Variants in F8 observed in about 807,000 individuals in gnomAD.
The protein encoded by F8 is antihemophilic factor.
In F8, 12 loss-of-function variants were observed where a neutral mutation model predicts 140.6. The ratio of observed to expected loss-of-function variants is 0.09; its 90% CI spans 0.05 to 0.14. The LOEUF is 0.14. Ranked by LOEUF, F8 falls within the 10% of genes least tolerant of loss-of-function variation. F8 has a pLI of 1.00. For missense variants in F8, 1,354 were observed against 1,720.7 expected (o/e 0.79, Z 3.77); for synonymous variants, 585 against 614.6 (o/e 0.95, Z 0.71).
chrX:154,918,360 C>T (rs1390250116), intron 14 of F8, among the ~76,000 whole-genome samples: 20 of 111,085 alleles, frequency 1.8e-4, no homozygotes, highest in Non-Finnish European at 9.4e-5. Context: ...GGGTTGCTAG[C>T]CCCGCCTCCA....
In F8 at chrX:154,837,539, T is replaced by A; in HGVS notation, c.*58A>T. On this transcript the variant is annotated 3_prime_UTR_variant, in exon 26 of 26. Coordinates refer to ENST00000360256, the MANE Select transcript of F8 (RefSeq NM_000132.4). ...TAGAAGGCAAGCCAGGGAGGGACAC[T>A]GCCCTGGAGCTGAGGAGGGAGAGGT... The A allele has an allele frequency of 8.7e-7, 1 of 1,152,726 alleles. No individual in the cohort carries two copies. 95.0% of individuals were successfully genotyped at this position (1,152,726 alleles called of 1,213,427 possible). A position where few individuals can be genotyped will look rare whatever the true frequency, so the allele number is the denominator to read the frequency against.
chrX:154,921,471 C>A (rs1253126887), intron 14 of F8, among the ~76,000 whole-genome samples: 1 of 111,985 alleles, frequency 8.9e-6, no homozygotes, highest in East Asian at 2.8e-4. Flanking sequence ...GTCAGTGTGG[C>A]AATTCCTCAG....
intron 22 of F8, among the ~76,000 whole-genome samples, chrX:154,875,524 T>C (rs1329288154): frequency 1.8e-5 from 2 of 112,041 alleles, no homozygotes; most frequent in Non-Finnish European, 3.8e-5. Context: ...TTGTCAATTA[T>C]ACCTAAATAA....
At chrX:154,927,408 T>C (rs782247129) in intron 14 of F8, among the ~76,000 whole-genome samples, 9 of 110,725 alleles carry the variant, frequency 8.1e-5, no homozygotes, top group Non-Finnish European at 1.7e-4. Flanking sequence ...GGAGAAGAGA[T>C]GGGAATCAAG....
chrX:154,839,720 G>A (rs1018793844), intron 25 of F8, among the ~76,000 whole-genome samples: 28 of 111,147 alleles, frequency 2.5e-4, no homozygotes, highest in Non-Finnish European at 3.2e-4. Flanking sequence ...TGTTTCCTTT[G>A]TAGCATTCAG....
intron 11 of F8, among the ~76,000 whole-genome samples, chrX:154,956,145 C>T (rs1376936057): frequency 8.9e-6 from 1 of 112,298 alleles, no homozygotes; most frequent in African/African-American, 3.2e-5. Context: ...TCTGTTCTGC[C>T]TGGCCCTGCA....
intron 14 of F8, among the ~76,000 whole-genome samples, chrX:154,923,783 CA>C (rs1374593378): frequency 7.2e-5 from 8 of 110,977 alleles, no homozygotes; most frequent in South Asian, 3.8e-4. Context: ...TGGGAGGGGA[CA>C]GGGGGAATGA....
intron 23 of F8, among the ~76,000 whole-genome samples, chrX:154,862,262 G>A (rs896457634): frequency 3.6e-5 from 4 of 111,182 alleles, no homozygotes; most frequent in Non-Finnish European, 7.5e-5. Context: ...TCCTGACCTC[G>A]TGATCCACCC....
intron 14 of F8, among the ~76,000 whole-genome samples, chrX:154,925,902 C>T (rs1378588741): frequency 9.0e-6 from 1 of 111,655 alleles, no homozygotes; most frequent in African/African-American, 3.3e-5. Flanking sequence ...AATGTGAGGA[C>T]ACGAGATTTG....
chrX:154,861,345 C>G (rs1321967002), intron 24 of F8, among the ~76,000 whole-genome samples: 1 of 111,773 alleles, frequency 8.9e-6, no homozygotes, highest in Non-Finnish European at 1.9e-5. Flanking sequence ...CACAATTCAC[C>G]TTTGTATCCC....
intron 14 of F8, among the ~76,000 whole-genome samples, chrX:154,915,555 C>T (rs1225912418): frequency 9.0e-6 from 1 of 110,972 alleles, no homozygotes; most frequent in African/African-American, 3.3e-5. Flanking sequence ...AAATTTGTTC[C>T]TAGATATTTA....
chrX:154,911,308 C>T (rs959003412), intron 14 of F8, among the ~76,000 whole-genome samples: 11 of 107,593 alleles, frequency 1.0e-4, no homozygotes, highest in African/African-American at 3.1e-4. Flanking sequence ...GAGGGGCAGG[C>T]CACCCCTTCA....
At chrX:154,921,383 G>A (rs945837830) in intron 14 of F8, among the ~76,000 whole-genome samples, 4 of 111,777 alleles carry the variant, frequency 3.6e-5, no homozygotes, top group African/African-American at 9.8e-5. Context: ...GAAACAACAC[G>A]TGCTGGAGAG....
At chrX:154,955,379 G>A (rs1439744830) in intron 11 of F8, among the ~76,000 whole-genome samples, 1 of 84,700 alleles carries the variant, frequency 1.2e-5, no homozygotes, top group Non-Finnish European at 2.2e-5. Context: ...GGATGGTCTT[G>A]AAATCCTGAG....
In F8 at chrX:154,966,040, C is replaced by T. The variant is rs782052307; in HGVS notation, c.1373G>A (p.Arg458His). The T allele has an allele frequency of 5.0e-5, 60 of 1,209,199 alleles. No homozygotes were observed. The highest frequency in any genetic ancestry group is 2.3e-4 in the Middle Eastern group (1 of 4,371). The change falls in exon 9 of 26, where the codon CGT (arginine) becomes CAT (histidine). Residue 458 changes from arginine to histidine, a missense_variant. Arg to His is a conservative substitution (Grantham distance 29, BLOSUM62 0). This residue lies in a region of F8 where 252 missense variants were observed against 338.5 expected (regional missense o/e 0.74). Transcript: ENST00000360256. ...TCCTGATTCATGCTGAATAGCTTCA[C>T]GAGTCTTAAAGGTTTCATCTGTGTA... ...MAYTDETFKT[R>H]EAIQHESGIL...
chrX:154,976,468 C>T (rs1473054614), intron 6 of F8, among the ~76,000 whole-genome samples: 3 of 109,976 alleles, frequency 2.7e-5, no homozygotes, highest in African/African-American at 1.0e-4. Flanking sequence ...TACATGTGCA[C>T]ATTGTGCAGG....
chrX:154,970,248 A>G (rs782008007), intron 6 of F8, among the ~76,000 whole-genome samples: 16 of 112,226 alleles, frequency 1.4e-4, no homozygotes, highest in Non-Finnish European at 2.8e-4. Flanking sequence ...TGTAGAAACC[A>G]TTATCATCCA....
At chrX:154,910,525 G>T (rs1416734834) in intron 14 of F8, among the ~76,000 whole-genome samples, 1 of 111,605 alleles carries the variant, frequency 9.0e-6, no homozygotes, top group Non-Finnish European at 1.9e-5. Flanking sequence ...TAACAAACCT[G>T]CACGTTGTGC....
At chrX:154,900,744 C>T (rs1434929372) in intron 20 of F8, among the ~76,000 whole-genome samples, 1 of 111,193 alleles carries the variant, frequency 9.0e-6, no homozygotes, top group Non-Finnish European at 1.9e-5. Context: ...TGTAAAGGGC[C>T]AGATAGTAAA....
Sources: allele counts gnomAD v4.1 joint callset (sites outside exome capture counted in the v4.1 genomes callset), GRCh38; gene constraint gnomAD v4.1.1; regional missense constraint gnomAD v4.1.1; transcripts MANE v1.5; gene names NCBI Gene and HGNC (gene_info 2026-07-23, HGNC 2026-07-21).